Variants in XKR9 observed in about 807,000 individuals in gnomAD.
XKR9 encodes the protein XK related 9.
A neutral mutation model predicts 32.0 loss-of-function variants in XKR9; 32 were observed. The ratio of observed to expected loss-of-function variants is 1.00; its 90% CI spans 0.76 to 1.34. XKR9 has a LOEUF of 1.34. Ranked by LOEUF, XKR9 falls within the 40% of genes most tolerant of loss-of-function variation. The pLI is 0.00. For missense variants in XKR9, 546 were observed against 429.7 expected, an observed-to-expected ratio of 1.27 and a Z score of -2.39; for synonymous variants, 168 against 143.4, an observed-to-expected ratio of 1.17 and a Z score of -1.22.
chr8:71,036,215 T>C, the XKR9 span, among the ~76,000 whole-genome samples: 1 of 152,144 alleles, frequency 6.6e-6, no homozygotes, highest in Non-Finnish European at 1.5e-5. Flanking sequence ...ATAGAAAAAA[T>C]ATTACCTTTT....
intron 4 of XKR9, among the ~76,000 whole-genome samples, chr8:70,715,718 A>G (rs34643336): frequency 0.33 from 50,090 of 151,920 alleles, 9,411 homozygotes; most frequent in Non-Finnish European, 0.43. Context: ...ATTTGAGAGG[A>G]AAAAAAGTAA....
At chr8:70,977,105 C>G in the XKR9 span, among the ~76,000 whole-genome samples, 15 of 152,080 alleles carry the variant, frequency 9.9e-5, no homozygotes, top group African/African-American at 1.4e-4. Flanking sequence ...TGATTCTTCT[C>G]TTTTTCTTCT....
At chr8:71,015,424 A>G in the XKR9 span, among the ~76,000 whole-genome samples, 1 of 152,154 alleles carries the variant, frequency 6.6e-6, no homozygotes, top group African/African-American at 2.4e-5. Flanking sequence ...TTGTTACCTA[A>G]CATCTTACCA....
At chr8:70,699,770 C>T (rs557634500) in intron 3 of XKR9, among the ~76,000 whole-genome samples, 1 of 152,306 alleles carries the variant, frequency 6.6e-6, no homozygotes, top group Admixed American at 6.5e-5. Context: ...TAATATCCTG[C>T]AGAGTGTTTT....
chr8:70,867,192 G>A, the XKR9 span, among the ~76,000 whole-genome samples: 9,561 of 152,240 alleles, frequency 0.063, 422 homozygotes, highest in Non-Finnish European at 0.089. Context: ...GAGAGAACTT[G>A]TGCAGGCAAA....
At chr8:70,797,616 TA>T in the XKR9 span, among the ~76,000 whole-genome samples, 1 of 151,720 alleles carries the variant, frequency 6.6e-6, no homozygotes, top group African/African-American at 2.4e-5. Flanking sequence ...GTGTGTGAAA[TA>T]GGTAGATTTT....
At chr8:71,047,640 A>T in the XKR9 span, among the ~76,000 whole-genome samples, 2 of 152,178 alleles carry the variant, frequency 1.3e-5, no homozygotes, top group Non-Finnish European at 2.9e-5. Context: ...AATTTGAGGC[A>T]CTTATCTTTA....
chr8:70,760,167 G>T (rs1807288703), intron 2 of XKR9, among the ~76,000 whole-genome samples: 1 of 152,072 alleles, frequency 6.6e-6, no homozygotes, highest in Non-Finnish European at 1.5e-5. Flanking sequence ...AATTCTGTTA[G>T]GACAACATTT....
the XKR9 span, among the ~76,000 whole-genome samples, chr8:71,060,274 A>G: frequency 6.6e-6 from 1 of 152,188 alleles, no homozygotes; most frequent in African/African-American, 2.4e-5. Context: ...CCTGTGGCCT[A>G]TTCTAGACCC....
At chr8:70,744,897 T>G (rs1275805032) in intron 2 of XKR9, among the ~76,000 whole-genome samples, 1 of 150,222 alleles carries the variant, frequency 6.7e-6, no homozygotes, top group Non-Finnish European at 1.5e-5. Context: ...TGAGTTACCA[T>G]GCCAGCCTGA....
the XKR9 span, among the ~76,000 whole-genome samples, chr8:70,917,689 A>G: frequency 6.6e-6 from 1 of 152,212 alleles, no homozygotes; most frequent in Non-Finnish European, 1.5e-5. Flanking sequence ...TCTTAAAAAC[A>G]TCAACTGTCG....
chr8:70,704,175 C>G lies in XKR9; in HGVS notation c.273-2758C>G, dbSNP rs145657237. On this transcript the variant is annotated intron_variant, in intron 3 of 4. Coordinates refer to ENST00000408926, the MANE Select transcript of XKR9 (RefSeq NM_001011720.2). ...CCAGCCTGGGCGACAGAGGGAGACTCCATCTCAAAAAGAAATAAAATAAAA... is the reference window on the plus strand; with the variant it reads ...CCAGCCTGGGCGACAGAGGGAGACTGCATCTCAAAAAGAAATAAAATAAAA... Among the ~76,000 whole-genome samples the G allele has an allele frequency of 2.6e-5, 4 of 151,382 alleles. No individual in the cohort carries two copies. In the East Asian group the frequency reaches 7.8e-4, roughly 29 times the overall value.
At chr8:70,707,697 T>C (rs1020541275) in intron 4 of XKR9, among the ~76,000 whole-genome samples, 3 of 152,048 alleles carry the variant, frequency 2.0e-5, no homozygotes, top group African/African-American at 7.2e-5. Flanking sequence ...ATCCATTGGG[T>C]AAATTCCCAG....
In XKR9 at chr8:70,743,587, T is replaced by A. The variant is rs530860544; in HGVS notation, n.352+36434T>A. 1.3e-4 allele frequency among the ~76,000 whole-genome samples: 20 copies of A among 152,292 alleles called. 1 individual carries two copies. In the South Asian group the frequency reaches 3.7e-3, roughly 28 times the overall value. ...ACTTTAAACTCTGAACTCTAAACAA[T>A]CTTTATTTAACCTTCAGTGAGCTGC... On this transcript the variant is annotated intron_variant and non_coding_transcript_variant, in intron 2 of 3. Coordinates refer to the XKR9 transcript ENST00000520273.
chr8:71,045,907 G>GAGGA, the XKR9 span, among the ~76,000 whole-genome samples: 2 of 152,182 alleles, frequency 1.3e-5, no homozygotes, highest in African/African-American at 4.8e-5. Flanking sequence ...CAGAAGGAAA[G>GAGGA]AGGAAGGCTG....
At chr8:70,982,318 TA>T in the XKR9 span, among the ~76,000 whole-genome samples, 1 of 152,112 alleles carries the variant, frequency 6.6e-6, no homozygotes, top group African/African-American at 2.4e-5. Context: ...GGGGCAGGGA[TA>T]GGGGTGTGTG....
chr8:71,037,746 A>C, the XKR9 span, among the ~76,000 whole-genome samples: 2 of 152,230 alleles, frequency 1.3e-5, no homozygotes, highest in Non-Finnish European at 2.9e-5. Context: ...CTTTACAGTG[A>C]CAAATCTTCA....
chr8:70,798,161 T>C, the XKR9 span, among the ~76,000 whole-genome samples: 1 of 152,210 alleles, frequency 6.6e-6, no homozygotes, highest in Non-Finnish European at 1.5e-5. Context: ...ACTGTTTACA[T>C]TACTACCAGC....
intron 1 of XKR9, among the ~76,000 whole-genome samples, chr8:70,670,141 A>G (rs2132088968): frequency 6.6e-6 from 1 of 152,308 alleles, no homozygotes; most frequent in South Asian, 2.1e-4. Flanking sequence ...AGCTGCCCAG[A>G]TGACAGAGTC....
Sources: allele counts gnomAD v4.1 joint callset (sites outside exome capture counted in the v4.1 genomes callset), GRCh38; gene constraint gnomAD v4.1.1; transcripts MANE v1.5; gene names NCBI Gene and HGNC (gene_info 2026-07-23, HGNC 2026-07-21).